PMFBP1: variants seen among roughly 807,000 people sequenced by gnomAD.
PMFBP1 encodes the protein polyamine modulated factor 1 binding protein 1.
In PMFBP1, 131 loss-of-function variants were observed where a neutral mutation model predicts 137.8. That is an observed-to-expected ratio of 0.95 (90% confidence interval 0.82 to 1.10). The LOEUF (loss-of-function observed/expected upper bound fraction) is 1.10, where lower values mean the gene tolerates loss of function less well. Among genes scored for constraint, PMFBP1 ranks in the 50% least tolerant of loss-of-function variants. The pLI is 0.00. For synonymous variants in PMFBP1, 490 were observed against 450.4 expected (o/e 1.09, Z -1.11); for missense variants, 1,199 against 1,175.4 (o/e 1.02, Z -0.29).
chr16:72,128,708 A>C lies in PMFBP1; in HGVS notation c.2037T>G (p.Ser679=). 6.2e-7 allele frequency: 1 copy of C among 1,614,136 alleles called. No homozygotes were observed. Residue 679 remains serine (S), a synonymous_variant, in exon 14 of 21, where the codon TCT becomes TCG. Coordinates refer to ENST00000237353, the MANE Select transcript of PMFBP1 (RefSeq NM_031293.3). ...GCTGGCTGGTGTTGTATTTGTTGAG[A>C]GAGGATTCCAGTTGTGTAGAACAAC... ...LQCCSTQLES[S]LNKYNTSQQV...
the PMFBP1 span, among the ~76,000 whole-genome samples, chr16:72,245,081 T>C: frequency 6.6e-6 from 1 of 152,128 alleles, no homozygotes; most frequent in Non-Finnish European, 1.5e-5. Context: ...TTCCTCAGAG[T>C]TGCAGTTTTC....
At chr16:72,186,544 T>G in the PMFBP1 span, among the ~76,000 whole-genome samples, 1 of 152,082 alleles carries the variant, frequency 6.6e-6, no homozygotes, top group Non-Finnish European at 1.5e-5. Context: ...CAGGGAGCCA[T>G]GAAGGTTTTC....
chr16:72,122,093 T>A (rs1225058959), intron 19 of PMFBP1, among the ~76,000 whole-genome samples: 1 of 152,122 alleles, frequency 6.6e-6, no homozygotes, highest in Non-Finnish European at 1.5e-5. Flanking sequence ...GTTTCCTTCT[T>A]TGTGTTCCTA....
At chr16:72,246,321 T>C in the PMFBP1 span, among the ~76,000 whole-genome samples, 6 of 152,216 alleles carry the variant, frequency 3.9e-5, no homozygotes, top group African/African-American at 1.4e-4. Context: ...AGAATCCTAC[T>C]ACAGCCTAGG....
At chr16:72,120,568 C>T (rs1004037952) in intron 19 of PMFBP1, among the ~76,000 whole-genome samples, 5 of 152,214 alleles carry the variant, frequency 3.3e-5, no homozygotes, top group African/African-American at 9.6e-5. Flanking sequence ...GAGTCGGGAG[C>T]ACAGGAGATC....
At chr16:72,235,648 T>G in the PMFBP1 span, among the ~76,000 whole-genome samples, 1 of 152,098 alleles carries the variant, frequency 6.6e-6, no homozygotes, top group African/African-American at 2.4e-5. Flanking sequence ...TCCATGACCA[T>G]TTATTTAGGT....
At chr16:72,125,465 T>A in intron 15 of PMFBP1, 60 bp from the exon 16 acceptor site, 1 of 1,552,392 alleles carries the variant, frequency 6.4e-7, no homozygotes, top group Non-Finnish European at 8.7e-7. Flanking sequence ...CTCTGCTGAG[T>A]CCTGAATGGA....
At chr16:72,208,564 C>T in the PMFBP1 span, among the ~76,000 whole-genome samples, 1 of 152,226 alleles carries the variant, frequency 6.6e-6, no homozygotes, top group Non-Finnish European at 1.5e-5. Flanking sequence ...CAACTATTGG[C>T]AGAAGCAGGT....
At chr16:72,151,800 C>T (rs1460118262) in intron 4 of PMFBP1, among the ~76,000 whole-genome samples, 3 of 152,142 alleles carry the variant, frequency 2.0e-5, no homozygotes, top group Admixed American at 2.0e-4. Context: ...TGGGCACTTG[C>T]TATTTCTTTG....
intron 10 of PMFBP1, among the ~76,000 whole-genome samples, chr16:72,131,214 C>T (rs1337473718): frequency 1.3e-5 from 2 of 151,972 alleles, no homozygotes; most frequent in African/African-American, 4.8e-5. Context: ...AGAGCAGATG[C>T]CTGGTGAGGA....
the PMFBP1 span, among the ~76,000 whole-genome samples, chr16:72,199,475 G>A: frequency 6.6e-6 from 1 of 152,028 alleles, no homozygotes; most frequent in African/African-American, 2.4e-5. Flanking sequence ...CTAACATGGT[G>A]AAACCCTGTC....
the PMFBP1 span, among the ~76,000 whole-genome samples, chr16:72,197,752 G>A: frequency 6.6e-6 from 1 of 152,186 alleles, no homozygotes; most frequent in Non-Finnish European, 1.5e-5. Flanking sequence ...AAGATAAAGT[G>A]CAGAACCTTA....
intron 5 of PMFBP1, among the ~76,000 whole-genome samples, chr16:72,144,943 C>G (rs1005904485): frequency 3.3e-5 from 5 of 152,200 alleles, no homozygotes; most frequent in Non-Finnish European, 7.3e-5. Flanking sequence ...GAGACTTTAA[C>G]ACTCCACTGT....
the PMFBP1 span, among the ~76,000 whole-genome samples, chr16:72,184,383 A>G: frequency 1.3e-5 from 2 of 152,124 alleles, no homozygotes; most frequent in Non-Finnish European, 2.9e-5. Flanking sequence ...AATCTCTCCA[A>G]CACTAAATCT....
the PMFBP1 span, among the ~76,000 whole-genome samples, chr16:72,249,930 A>G: frequency 6.6e-6 from 1 of 150,440 alleles, no homozygotes; most frequent in Admixed American, 6.6e-5. Flanking sequence ...CAAAAAAAAA[A>G]AAAAAAAAAA....
intron 9 of PMFBP1, among the ~76,000 whole-genome samples, chr16:72,135,504 AC>A (rs2144314906): frequency 6.6e-6 from 1 of 151,738 alleles, no homozygotes; most frequent in Non-Finnish European, 1.5e-5. Context: ...AGCGTGGGCC[AC>A]CGCACCCGGC....
At chr16:72,129,333 AG>A (rs2042513157) in intron 12 of PMFBP1, 100 bp from the exon 13 acceptor site, 1 of 1,339,870 alleles carries the variant, frequency 7.5e-7, no homozygotes, top group Non-Finnish European at 1.0e-6. Context: ...GAGATGAAGA[AG>A]AAGACAATTC....
At chr16:72,221,149 A>T in the PMFBP1 span, among the ~76,000 whole-genome samples, 1 of 152,142 alleles carries the variant, frequency 6.6e-6, no homozygotes, top group African/African-American at 2.4e-5. Context: ...CCATTCAACA[A>T]TAATCCTCGC....
At chr16:72,191,132 TA>T in the PMFBP1 span, among the ~76,000 whole-genome samples, 1 of 152,212 alleles carries the variant, frequency 6.6e-6, no homozygotes. Context: ...AGGGCCATTA[TA>T]GGATTTCTCA....
Sources: gnomAD v4.1 joint callset for allele counts (sites outside exome capture counted in the v4.1 genomes callset) on GRCh38, gnomAD v4.1.1 for gene constraint, MANE v1.5 for transcripts, NCBI Gene and HGNC (gene_info 2026-07-23, HGNC 2026-07-21) for gene names.